POFUT3: variants seen among roughly 807,000 people sequenced by gnomAD.
POFUT3 encodes the protein GDP-fucose protein O-fucosyltransferase 3.
the POFUT3 span, among the ~76,000 whole-genome samples, chr8:33,399,457 C>T: frequency 2.0e-5 from 3 of 151,950 alleles, no homozygotes; most frequent in East Asian, 1.9e-4. Context: ...TGTAAGTGGA[C>T]GGGGGATATA....
chr8:33,471,728 T>G, the POFUT3 span, among the ~76,000 whole-genome samples: 1 of 152,196 alleles, frequency 6.6e-6, no homozygotes, highest in African/African-American at 2.4e-5. Flanking sequence ...ACTTGAAAAC[T>G]TACTTTTTTT....
the POFUT3 span, among the ~76,000 whole-genome samples, chr8:33,344,874 C>T: frequency 3.5e-4 from 54 of 152,282 alleles, no homozygotes; most frequent in African/African-American, 1.0e-3. Flanking sequence ...CCTTTGTACA[C>T]GGATAAGTCA....
At chr8:33,318,520 A>G in the POFUT3 span, among the ~76,000 whole-genome samples, 1 of 124,306 alleles carries the variant, frequency 8.0e-6, no homozygotes, top group Admixed American at 1.1e-4. Flanking sequence ...TATTATGATT[A>G]TAATAATCAT....
chr8:33,439,098 C>G, the POFUT3 span, among the ~76,000 whole-genome samples: 1 of 152,194 alleles, frequency 6.6e-6, no homozygotes, highest in Admixed American at 6.5e-5. Flanking sequence ...ATCATTTCCA[C>G]TTATTGAATA....
chr8:33,345,088 A>C, the POFUT3 span, among the ~76,000 whole-genome samples: 1 of 152,218 alleles, frequency 6.6e-6, no homozygotes, highest in Non-Finnish European at 1.5e-5. Context: ...GCTCCAGTAG[A>C]TTTCTTATGG....
chr8:33,365,107 C>A, the POFUT3 span, among the ~76,000 whole-genome samples: 2 of 152,128 alleles, frequency 1.3e-5, no homozygotes, highest in African/African-American at 2.4e-5. Flanking sequence ...TAACACCACA[C>A]ATCTACAATC....
the POFUT3 span, among the ~76,000 whole-genome samples, chr8:33,363,139 G>A: frequency 9.9e-5 from 15 of 152,080 alleles, no homozygotes; most frequent in Non-Finnish European, 1.6e-4. Flanking sequence ...ACAACTACAT[G>A]GAAACTGAAC....
At chr8:33,393,285 A>C in the POFUT3 span, among the ~76,000 whole-genome samples, 1 of 152,238 alleles carries the variant, frequency 6.6e-6, no homozygotes. Context: ...CTGCTCTTAC[A>C]TTTAACAATT....
At chr8:33,319,441 A>ATT in the POFUT3 span, among the ~76,000 whole-genome samples, 13 of 58,722 alleles carry the variant, frequency 2.2e-4, 4 homozygotes, top group African/African-American at 1.1e-3. Flanking sequence ...TATTTTTTAT[A>ATT]TATTTATATA....
chr8:33,322,265 T>G, the POFUT3 span, among the ~76,000 whole-genome samples: 1 of 152,062 alleles, frequency 6.6e-6, no homozygotes, highest in Admixed American at 6.6e-5. Flanking sequence ...GCAGCTCCTG[T>G]GGGCTGGAGG....
chr8:33,403,756 A>G, the POFUT3 span, among the ~76,000 whole-genome samples: 49,103 of 151,946 alleles, frequency 0.32, 8,141 homozygotes, highest in South Asian at 0.44. Context: ...TAAATTTATA[A>G]TGGGTTAATT....
chr8:33,356,480 G>C, the POFUT3 span, among the ~76,000 whole-genome samples: 134 of 152,126 alleles, frequency 8.8e-4, no homozygotes, highest in African/African-American at 2.8e-3. Context: ...CTTTTGAGAA[G>C]TGTCTGTTCA....
chr8:33,331,822 C>A, the POFUT3 span, among the ~76,000 whole-genome samples: 1 of 151,978 alleles, frequency 6.6e-6, no homozygotes, highest in East Asian at 2.0e-4. Flanking sequence ...ACTACAGGCG[C>A]CCGCCACCAC....
At chr8:33,407,316 G>A in the POFUT3 span, among the ~76,000 whole-genome samples, 9 of 152,176 alleles carry the variant, frequency 5.9e-5, no homozygotes, top group Non-Finnish European at 1.2e-4. Context: ...TTCTAATTCA[G>A]CTGAAAAACT....
the POFUT3 span, among the ~76,000 whole-genome samples, chr8:33,359,303 G>A: frequency 6.6e-6 from 1 of 152,106 alleles, no homozygotes; most frequent in African/African-American, 2.4e-5. Context: ...TGTAAGGTGA[G>A]GAAGAAGGAT....
the POFUT3 span, among the ~76,000 whole-genome samples, chr8:33,340,998 A>G: frequency 6.6e-6 from 1 of 152,176 alleles, no homozygotes; most frequent in African/African-American, 2.4e-5. Context: ...TATTGTTTTT[A>G]AGCACTCAGA....
the POFUT3 span, chr8:33,389,829 AT>A: frequency 6.8e-7 from 1 of 1,470,914 alleles, no homozygotes. Flanking sequence ...ATTAATTAGT[AT>A]TTCCAAAAGA....
the POFUT3 span, among the ~76,000 whole-genome samples, chr8:33,468,239 CAAAA>C: frequency 4.3e-4 from 54 of 124,808 alleles, no homozygotes; most frequent in East Asian, 7.3e-4. Context: ...AACTGTGTCT[CAAAA>C]AAAAAAAAAA....
chr8:33,396,205 T>C, the POFUT3 span, among the ~76,000 whole-genome samples: 1 of 152,156 alleles, frequency 6.6e-6, no homozygotes, highest in African/African-American at 2.4e-5. Context: ...CTCTGGGCAA[T>C]GCTACCCTTC....
Sources: allele counts gnomAD v4.1 joint callset (sites outside exome capture counted in the v4.1 genomes callset), GRCh38; gene constraint gnomAD v4.1.1; transcripts MANE v1.5; gene names NCBI Gene and HGNC (gene_info 2026-07-23, HGNC 2026-07-21).